RNF220: variants seen among roughly 807,000 people sequenced by gnomAD.
RNF220 encodes ring finger protein 220.
Under a neutral mutation model 67.1 loss-of-function variants are expected in RNF220, and 7 were observed. The observed-to-expected ratio is 0.10, with a 90% CI of 0.06 to 0.20. The LOEUF (loss-of-function observed/expected upper bound fraction) is 0.20, where lower values mean the gene tolerates loss of function less well. Among genes scored for constraint, RNF220 ranks in the 10% least tolerant of loss-of-function variants. RNF220 has a pLI of 1.00. For synonymous variants in RNF220, 270 were observed against 283.2 expected (o/e 0.95, Z 0.47); for missense variants, 565 against 740.3 (o/e 0.76, Z 2.75).
chr1:44,600,114 T>C lies in RNF220; in HGVS notation c.626-14051T>C, dbSNP rs944876994. On this transcript the variant is annotated intron_variant, in intron 2 of 14. Transcript: ENST00000361799. This position sits in a 1 kb window ranked among gnomAD's most constrained non-coding sequence, Gnocchi z 4.0. The stretch of plus-strand genomic sequence containing the variant: ...CTGGAGTAAAGAGTAAAAATTAAGA[T>C]TGTCAATTTAGGGAGGTCTCTGGAT... Among the ~76,000 whole-genome samples the C allele has an allele frequency of 3.9e-5, 6 of 152,054 alleles. No individual in the cohort carries two copies. Among genetic ancestry groups the C allele is most frequent in the African/African-American group, 1.4e-4 (6 of 41,388 alleles).
At chr1:44,604,547 G>C (rs149508442) in intron 2 of RNF220, among the ~76,000 whole-genome samples, 125 of 152,380 alleles carry the variant, frequency 8.2e-4, no homozygotes, top group African/African-American at 2.8e-3. Flanking sequence ...CGGAGCAAAG[G>C]CTCATGGGGT....
At chr1:44,560,737 T>C (rs927700688) in intron 2 of RNF220, among the ~76,000 whole-genome samples, 3 of 152,102 alleles carry the variant, frequency 2.0e-5, no homozygotes, top group African/African-American at 7.2e-5. Flanking sequence ...AATTTTTGTA[T>C]TTTTAATAGA....
At chr1:44,580,030 C>CAGAAAAAAAAAAAA (rs1665124151) in intron 2 of RNF220, among the ~76,000 whole-genome samples, 1 of 65,240 alleles carries the variant, frequency 1.5e-5, no homozygotes, top group Non-Finnish European at 3.2e-5. Flanking sequence ...CCCTGTCTCA[C>CAGAAAAAAAAAAAA]AAAAAAAAAA....
intron 8 of RNF220, among the ~76,000 whole-genome samples, chr1:44,638,579 CT>C (rs1404309352): frequency 3.9e-5 from 6 of 152,366 alleles, no homozygotes; most frequent in Non-Finnish European, 7.3e-5. Flanking sequence ...CTCAGCAAAG[CT>C]TCCCACCAGG....
intron 2 of RNF220, among the ~76,000 whole-genome samples, chr1:44,451,829 C>G (rs1652714979): frequency 6.6e-6 from 1 of 152,136 alleles, no homozygotes; most frequent in Non-Finnish European, 1.5e-5. Flanking sequence ...CCATGTTGGC[C>G]AGGCTGGTCT....
chr1:44,499,450 TACTC>T (rs1242862085), intron 2 of RNF220, among the ~76,000 whole-genome samples: 2 of 152,104 alleles, frequency 1.3e-5, no homozygotes, highest in Non-Finnish European at 2.9e-5. Flanking sequence ...GTGCATATCA[TACTC>T]AATCTGTCAC....
chr1:44,503,198 G>A (rs1572700688), intron 2 of RNF220, among the ~76,000 whole-genome samples: 1 of 152,018 alleles, frequency 6.6e-6, no homozygotes, highest in Non-Finnish European at 1.5e-5. Flanking sequence ...GCTGGGTATG[G>A]TGGCACATGC....
rs1212169457 is a variant in RNF220 at position 44,621,350 on chromosome 1, TATATGTGTGCGCC to T, written c.759-1391_759-1379del. 6.6e-6 allele frequency among the ~76,000 whole-genome samples: 1 copy of T among 152,172 alleles called. No individual in the cohort carries two copies. The highest frequency in any genetic ancestry group is 1.5e-5 in the Non-Finnish European group (1 of 68,026). On this transcript the variant is annotated intron_variant, in intron 3 of 14. Transcript: ENST00000361799. The surrounding 1 kb of genome is among the most constrained non-coding windows in gnomAD (Gnocchi z 4.8). ...CAGAATTATAGAAAGTCTATGGGTA[TATATGTGTGCGCC>T]TTTATACCAGGGTTTCTCAACCTCG...
intron 2 of RNF220, among the ~76,000 whole-genome samples, chr1:44,540,089 C>T (rs1286529245): frequency 6.6e-6 from 1 of 152,184 alleles, no homozygotes; most frequent in African/African-American, 2.4e-5. Flanking sequence ...TTCTTCCACA[C>T]TGGCTTCAGC....
chr1:44,598,277 G>A (rs1007506253), intron 2 of RNF220, among the ~76,000 whole-genome samples: 49 of 152,154 alleles, frequency 3.2e-4, no homozygotes, highest in African/African-American at 1.0e-3. Flanking sequence ...AGCTGCAAGC[G>A]AGCAAGATGG....
intron 8 of RNF220, among the ~76,000 whole-genome samples, chr1:44,637,332 C>G (rs1230154804): frequency 6.6e-6 from 1 of 152,228 alleles, no homozygotes; most frequent in African/African-American, 2.4e-5. Context: ...TCAGACCAAA[C>G]AGTCTCCCTG....
chr1:44,651,309 GGTACCTGCCTCTCTCTCTCCTGTGGT>G lies in RNF220; in HGVS notation c.*537_*562del. ...GGAGCTCGGCCCATCCACCTCTTGG[GGTACCTGCCTCTCTCTCTCCTGTGGT>G]GTCCCTTCCCTCTCCCATGTGCTCG... On this transcript the variant is annotated 3_prime_UTR_variant, in exon 15 of 15. Coordinates refer to ENST00000361799, the MANE Select transcript of RNF220 (RefSeq NM_018150.4). 5.6e-6 allele frequency: 1 copy of G among 177,788 alleles called. No individual in the cohort carries two copies. The highest frequency in any genetic ancestry group is 1.2e-5 in the Non-Finnish European group (1 of 81,266). The allele number at this position is 177,788 out of a possible 1,614,324, so 11.0% of individuals were successfully genotyped here.
chr1:44,635,466 G>A (rs1644297556), intron 6 of RNF220, 79 bp from the exon 7 acceptor site: 9 of 1,567,414 alleles, frequency 5.7e-6, no homozygotes, highest in African/African-American at 2.7e-5. Flanking sequence ...AGGTCAGGAT[G>A]TGTCAGCTCC....
At chr1:44,587,535 C>T (rs562220459) in intron 2 of RNF220, among the ~76,000 whole-genome samples, 3 of 152,248 alleles carry the variant, frequency 2.0e-5, no homozygotes, top group South Asian at 4.1e-4. Context: ...AACATTCCCG[C>T]CCCCTCTGTG....
chr1:44,506,677 C>T (rs894902451), intron 2 of RNF220, among the ~76,000 whole-genome samples: 6 of 152,206 alleles, frequency 3.9e-5, no homozygotes, highest in African/African-American at 1.2e-4. Flanking sequence ...TGGGCTTCTT[C>T]GATGTTCAGA....
chr1:44,598,564 C>T (rs1202012298), intron 2 of RNF220, among the ~76,000 whole-genome samples: 2 of 152,148 alleles, frequency 1.3e-5, no homozygotes, highest in Non-Finnish European at 2.9e-5. Flanking sequence ...GCGTGCAGCC[C>T]AGGGGTTCCG....
At chr1:44,543,207 C>T (rs1318463985) in intron 2 of RNF220, among the ~76,000 whole-genome samples, 2 of 152,150 alleles carry the variant, frequency 1.3e-5, no homozygotes, top group East Asian at 3.9e-4. Flanking sequence ...CCGTCAGACC[C>T]CCCACCTTCG....
At position 44,650,998 on chromosome 1, in the gene RNF220, T is replaced by C; in HGVS notation, c.*223T>C. 1 of 544,328 alleles carries C rather than the reference T, an allele frequency of 1.8e-6. No homozygotes were observed. Among genetic ancestry groups the C allele is most frequent in the Non-Finnish European group, 3.4e-6 (1 of 294,236 alleles). 33.7% of individuals were successfully genotyped at this position (544,328 alleles called of 1,614,324 possible). A position where few individuals can be genotyped will look rare whatever the true frequency, so the allele number is the denominator to read the frequency against. The stretch of plus-strand genomic sequence containing the variant: ...TACCTGCTGGCTCCCACCTATGGTT[T>C]GGGGGCCATACCTGTTCCAGCTCTG... On this transcript the variant is annotated 3_prime_UTR_variant, in exon 15 of 15. Transcript: ENST00000361799. The surrounding 1 kb of genome is among the most constrained non-coding windows in gnomAD (Gnocchi z 4.3).
At chr1:44,446,469 A>AGCTT (rs1325532826) in intron 2 of RNF220, among the ~76,000 whole-genome samples, 2 of 152,090 alleles carry the variant, frequency 1.3e-5, no homozygotes, top group Admixed American at 1.3e-4. Flanking sequence ...CAGTCTGAAG[A>AGCTT]GCTTGTCACT....
Sources: gnomAD v4.1 joint callset for allele counts (sites outside exome capture counted in the v4.1 genomes callset) on GRCh38, gnomAD v4.1.1 for gene constraint, Gnocchi (gnomAD v3.1) non-coding constraint, MANE v1.5 for transcripts, NCBI Gene and HGNC (gene_info 2026-07-23, HGNC 2026-07-21) for gene names.